Variants in OPCML observed in about 807,000 individuals in gnomAD.
The protein encoded by OPCML is opioid-binding protein/cell adhesion molecule.
In OPCML, 13 loss-of-function variants were observed where a neutral mutation model predicts 37.8. The ratio of observed to expected loss-of-function variants is 0.34; its 90% CI spans 0.22 to 0.55. The LOEUF is 0.55. OPCML is among the 20% of genes least tolerant of loss of function. The probability of loss-of-function intolerance (pLI) is 0.91; values close to 1 mark genes in which losing one functional copy is unlikely to be tolerated. For missense variants in OPCML, 341 were observed against 435.6 expected (o/e 0.78, Z 1.93); for synonymous variants, 176 against 168.8 (o/e 1.04, Z -0.33).
intron 1 of OPCML, among the ~76,000 whole-genome samples, chr11:133,270,085 G>A (rs983618150): frequency 4.6e-5 from 7 of 152,154 alleles, no homozygotes; most frequent in Non-Finnish European, 1.0e-4. Flanking sequence ...ATGTGGAGGT[G>A]CTAAGAATGA....
intron 1 of OPCML, among the ~76,000 whole-genome samples, chr11:133,151,334 G>C (rs1949982348): frequency 6.6e-6 from 1 of 151,940 alleles, no homozygotes; most frequent in Non-Finnish European, 1.5e-5. Context: ...TTTAAAAGAG[G>C]AAAACAAGGA....
chr11:133,140,883 C>CGACGACGAAGAA lies in OPCML; in HGVS notation c.62-197874_62-197873insTTCTTCGTCGTC, dbSNP rs1949786773. ...AAGACGACGACGACGAAGAAGACGA[C>CGACGACGAAGAA]GACGACGACGAAGACGACGACGACG... On this transcript the variant is annotated intron_variant, in intron 1 of 7. Coordinates refer to ENST00000524381, the MANE Select transcript of OPCML (RefSeq NM_001012393.5). Among the ~76,000 whole-genome samples the CGACGACGAAGAA allele has an allele frequency of 3.6e-4, 3 of 8,322 alleles. 1 individual carries two copies. Among genetic ancestry groups the CGACGACGAAGAA allele is most frequent in the African/African-American group, 5.2e-4 (3 of 5,726 alleles). The allele number at this position is 8,322 out of a possible 152,430, so 5.5% of individuals were successfully genotyped here. A position where few individuals can be genotyped will look rare whatever the true frequency, so the allele number is the denominator to read the frequency against.
intron 1 of OPCML, among the ~76,000 whole-genome samples, chr11:133,477,351 T>G (rs1392372792): frequency 6.6e-6 from 1 of 152,160 alleles, no homozygotes; most frequent in Non-Finnish European, 1.5e-5. Context: ...AGAATAGATC[T>G]TTTCACTTTC....
intron 2 of OPCML, among the ~76,000 whole-genome samples, chr11:132,881,717 C>A (rs2725427): frequency 1.3e-5 from 2 of 152,148 alleles, no homozygotes; most frequent in South Asian, 4.1e-4. Context: ...ATTGCAAAAA[C>A]GCTGTTGTCT....
intron 1 of OPCML, among the ~76,000 whole-genome samples, chr11:133,400,846 G>A (rs1283008201): frequency 6.6e-6 from 1 of 152,116 alleles, no homozygotes; most frequent in Non-Finnish European, 1.5e-5. Flanking sequence ...GTAGGTTCCT[G>A]AGAAAGCTGC....
chr11:133,513,629 C>T (rs1428701372), intron 1 of OPCML, among the ~76,000 whole-genome samples: 9 of 152,272 alleles, frequency 5.9e-5, no homozygotes, highest in Admixed American at 1.3e-4. Flanking sequence ...AACGTGTTTA[C>T]AGAATTGTGT....
chr11:132,435,252 T>G, intron 7 of OPCML: 1 of 1,289,226 alleles, frequency 7.8e-7, no homozygotes, highest in Non-Finnish European at 1.0e-6. Flanking sequence ...ATCACACATT[T>G]CAGATGGTTG....
At chr11:132,426,081 T>C (rs1036681908) in intron 7 of OPCML, among the ~76,000 whole-genome samples, 1 of 152,206 alleles carries the variant, frequency 6.6e-6, no homozygotes, top group African/African-American at 2.4e-5. Context: ...AAGTTAAGCA[T>C]CTTTAAAAAT....
intron 3 of OPCML, among the ~76,000 whole-genome samples, chr11:132,651,731 A>G (rs982438018): frequency 1.3e-5 from 2 of 152,200 alleles, no homozygotes; most frequent in African/African-American, 2.4e-5. Context: ...TTCAGATACC[A>G]ACCAATTTCA....
At chr11:132,776,671 T>C (rs973506204) in intron 2 of OPCML, among the ~76,000 whole-genome samples, 2 of 152,118 alleles carry the variant, frequency 1.3e-5, no homozygotes. Flanking sequence ...CAGAAGCAGA[T>C]GCCAGCACCA....
Position 133,118,650 on chromosome 11 carries a change from G to GA in OPCML, c.62-175641dup, listed in dbSNP as rs1189722257. Reference sequence around the variant, plus strand: ...CACATGGAGTGGATTTTTACCATATGAAAAAAAAAAAAGTCTTGTCCCCAG... The same window carrying GA: ...CACATGGAGTGGATTTTTACCATATGAAAAAAAAAAAAAGTCTTGTCCCCAG... On this transcript the variant is annotated intron_variant, in intron 1 of 7. Coordinates refer to ENST00000524381, the MANE Select transcript of OPCML (RefSeq NM_001012393.5). 8.9e-3 allele frequency among the ~76,000 whole-genome samples: 1,287 copies of GA among 144,690 alleles called. 6 individuals carry two copies. The highest frequency in any genetic ancestry group is 0.025 in the African/African-American group (1,008 of 39,632). 94.9% of individuals were successfully genotyped at this position (144,690 alleles called of 152,430 possible).
chr11:133,426,530 C>T (rs55784784), intron 1 of OPCML, among the ~76,000 whole-genome samples: 14,546 of 152,088 alleles, frequency 0.096, 2,029 homozygotes, highest in African/African-American at 0.31. Context: ...AGTGAAGGTG[C>T]AGTTTGATGG....
At chr11:133,468,583 G>A (rs2137000958) in intron 1 of OPCML, among the ~76,000 whole-genome samples, 1 of 152,376 alleles carries the variant, frequency 6.6e-6, no homozygotes, top group Non-Finnish European at 1.5e-5. Context: ...AAAAGTGACA[G>A]TGAAGCCCTG....
intron 1 of OPCML, among the ~76,000 whole-genome samples, chr11:133,140,577 A>AAGAAGAAGAAGAAGAAG (rs748209202): frequency 2.4e-5 from 2 of 85,102 alleles, no homozygotes; most frequent in African/African-American, 3.8e-5. Flanking sequence ...GAAGAAGAAG[A>AAGAAGAAGAAGAAGAAG]AAGAAGAAAA....
chr11:133,246,652 G>A (rs1940936605), intron 1 of OPCML, among the ~76,000 whole-genome samples: 1 of 152,186 alleles, frequency 6.6e-6, no homozygotes, highest in Non-Finnish European at 1.5e-5. Context: ...AGCTCAATGT[G>A]GATGCCATGA....
At chr11:132,885,635 T>A (rs1280182735) in intron 2 of OPCML, among the ~76,000 whole-genome samples, 1 of 152,186 alleles carries the variant, frequency 6.6e-6, no homozygotes, top group Non-Finnish European at 1.5e-5. Context: ...AAAATAATTT[T>A]TACTGTCTTT....
At chr11:133,385,516 C>G (rs1945026115) in intron 1 of OPCML, among the ~76,000 whole-genome samples, 1 of 152,156 alleles carries the variant, frequency 6.6e-6, no homozygotes, top group African/African-American at 2.4e-5. Flanking sequence ...ATTTTCCAGC[C>G]TGGTGCTGCA....
intron 1 of OPCML, among the ~76,000 whole-genome samples, chr11:133,199,565 G>A (rs945104178): frequency 6.6e-6 from 1 of 152,106 alleles, no homozygotes; most frequent in Non-Finnish European, 1.5e-5. Context: ...GGAGGGGAGT[G>A]CACAGCTATT....
intron 2 of OPCML, among the ~76,000 whole-genome samples, chr11:132,660,901 C>A (rs1309648535): frequency 2.6e-5 from 4 of 152,146 alleles, no homozygotes; most frequent in African/African-American, 9.7e-5. Flanking sequence ...TACACTGCAA[C>A]CTCAGGCACT....
Sources: gnomAD v4.1 joint callset for allele counts (sites outside exome capture counted in the v4.1 genomes callset) on GRCh38, gnomAD v4.1.1 for gene constraint, MANE v1.5 for transcripts, NCBI Gene and HGNC (gene_info 2026-07-23, HGNC 2026-07-21) for gene names.